ZFR: variants seen among roughly 807,000 people sequenced by gnomAD.
ZFR encodes zinc finger RNA-binding protein.
Under a neutral mutation model 130.7 loss-of-function variants are expected in ZFR, and 19 were observed. That is an observed-to-expected ratio of 0.15 (90% CI 0.10 to 0.21). The LOEUF (loss-of-function observed/expected upper bound fraction) is 0.21. Ranked by LOEUF, ZFR falls within the 10% of genes least tolerant of loss-of-function variation. The pLI, the probability that ZFR is intolerant of heterozygous loss-of-function variation, is 1.00. For missense variants in ZFR, 872 were observed against 1,321.5 expected (o/e 0.66, Z 5.27); for synonymous variants, 466 against 456.9 (o/e 1.02, Z -0.25).
intron 4 of ZFR, 91 bp downstream of exon 4, chr5:32,417,557 T>C: frequency 3.3e-6 from 5 of 1,526,138 alleles, no homozygotes; most frequent in Non-Finnish European, 4.5e-6. Flanking sequence ...GATATGAGTT[T>C]AGATGGACTC....
At chr5:32,425,319 T>G (rs1431242154) in intron 2 of ZFR, among the ~76,000 whole-genome samples, 2 of 152,230 alleles carry the variant, frequency 1.3e-5, no homozygotes, top group Admixed American at 1.3e-4. Context: ...GGTTGTTCTC[T>G]TTTTAATTAC....
chr5:32,433,537 G>A (rs1754266709), intron 2 of ZFR, among the ~76,000 whole-genome samples: 1 of 152,142 alleles, frequency 6.6e-6, no homozygotes, highest in African/African-American at 2.4e-5. Context: ...TGCACTTGCA[G>A]GGTCAAAATA....
chr5:32,416,289 C>T (rs892906848), intron 4 of ZFR, among the ~76,000 whole-genome samples: 6 of 152,164 alleles, frequency 3.9e-5, no homozygotes, highest in Admixed American at 2.0e-4. Flanking sequence ...AGGAAGTTTA[C>T]TATAAATTAT....
chr5:32,401,492 A>G (rs552546069), intron 8 of ZFR, among the ~76,000 whole-genome samples: 39 of 152,362 alleles, frequency 2.6e-4, no homozygotes, highest in African/African-American at 9.4e-4. Flanking sequence ...ACGTTTAAAA[A>G]GAAAAAAATA....
At chr5:32,361,987 G>A (rs1461776202) in intron 19 of ZFR, among the ~76,000 whole-genome samples, 1 of 152,090 alleles carries the variant, frequency 6.6e-6, no homozygotes, top group African/African-American at 2.4e-5. Flanking sequence ...TAGCATTTGA[G>A]GTTTGAGTGA....
At chr5:32,398,405 A>G (rs557126912) in intron 9 of ZFR, among the ~76,000 whole-genome samples, 3 of 152,346 alleles carry the variant, frequency 2.0e-5, no homozygotes, top group African/African-American at 7.2e-5. Flanking sequence ...ATAGGAGGAC[A>G]AGTAAACTTG....
chr5:32,410,060 T>C (rs909875573), intron 5 of ZFR, among the ~76,000 whole-genome samples: 1 of 152,262 alleles, frequency 6.6e-6, no homozygotes, highest in South Asian at 2.1e-4. Flanking sequence ...TAAAAAGTAC[T>C]TTTACTAGGT....
At chr5:32,431,498 T>A (rs1406421135) in intron 2 of ZFR, among the ~76,000 whole-genome samples, 1 of 152,200 alleles carries the variant, frequency 6.6e-6, no homozygotes, top group African/African-American at 2.4e-5. Flanking sequence ...AAAGAAAACA[T>A]AGACAGCTTC....
At position 32,444,323 on chromosome 5, in the gene ZFR, TG is replaced by T; in HGVS notation, c.42del (p.Ser15AlafsTer39). ...ICPVVSFTYV[P>X]SRLGEDAKMA... is the part of the protein sequence containing the mutation. ...ATTTTGGCATCTTCCCCCAGCCGGC[TG>T]GGCACTGCGGCGGGCACGAAGAGTC... On this transcript the variant is annotated frameshift_variant, in exon 2 of 20. Transcript: ENST00000265069. LOFTEE classifies it high-confidence loss of function. 6.5e-7 allele frequency: 1 copy of T among 1,538,620 alleles called. No individual in the cohort carries two copies. Among genetic ancestry groups the T allele is most frequent in the Admixed American group, 2.0e-5 (1 of 49,232 alleles).
At chr5:32,368,353 C>T (rs934491465) in intron 17 of ZFR, among the ~76,000 whole-genome samples, 1 of 152,132 alleles carries the variant, frequency 6.6e-6, no homozygotes, top group Non-Finnish European at 1.5e-5. Flanking sequence ...CTCTTGCCTC[C>T]GCCTCCCAAG....
At chr5:32,407,498 G>A (rs1272482718) in intron 5 of ZFR, among the ~76,000 whole-genome samples, 3 of 151,532 alleles carry the variant, frequency 2.0e-5, no homozygotes, top group Non-Finnish European at 2.9e-5. Context: ...AAAAGAAGAG[G>A]AAAACATACA....
chr5:32,405,377 A>G (rs536489834), intron 6 of ZFR, among the ~76,000 whole-genome samples: 55 of 152,252 alleles, frequency 3.6e-4, no homozygotes, highest in African/African-American at 1.2e-3. Flanking sequence ...CTCTAACTCA[A>G]TCTCAATGAT....
chr5:32,357,141 C>T (rs899589893), intron 19 of ZFR, among the ~76,000 whole-genome samples: 4 of 152,008 alleles, frequency 2.6e-5, no homozygotes, highest in South Asian at 4.2e-4. Flanking sequence ...CACCAACACA[C>T]CTGGCTCATT....
chr5:32,438,538 C>T (rs1017701018), intron 2 of ZFR, among the ~76,000 whole-genome samples: 2 of 152,128 alleles, frequency 1.3e-5, no homozygotes, highest in Non-Finnish European at 2.9e-5. Flanking sequence ...GCAGGGATTA[C>T]AGGCATGAGC....
At chr5:32,417,509 A>T in intron 4 of ZFR, 139 bp downstream of exon 4, 1 of 964,798 alleles carries the variant, frequency 1.0e-6, no homozygotes, top group Non-Finnish European at 1.5e-6. Flanking sequence ...CAAGGCATTT[A>T]GTAGGACAGG....
intron 2 of ZFR, among the ~76,000 whole-genome samples, chr5:32,431,314 T>C (rs969288112): frequency 1.3e-5 from 2 of 152,126 alleles, no homozygotes; most frequent in African/African-American, 4.8e-5. Context: ...GAACACAAAA[T>C]CAGGAGGACT....
At chr5:32,392,204 A>G (rs1753197136) in intron 11 of ZFR, among the ~76,000 whole-genome samples, 2 of 152,234 alleles carry the variant, frequency 1.3e-5, no homozygotes, top group South Asian at 4.1e-4. Flanking sequence ...TTTAAGTCAA[A>G]TAAGGGCAGG....
Position 32,367,932 on chromosome 5 carries a change from A to G in ZFR, c.2836-3657T>C, listed in dbSNP as rs116373898. Among the ~76,000 whole-genome samples the G allele has an allele frequency of 5.2e-3, 787 of 152,336 alleles. 3 individuals are homozygous for G. The highest frequency in any genetic ancestry group is 7.9e-3 in the Non-Finnish European group (537 of 68,016). ...TTGTCCAAGGTCATGTAGCTAGGTG[A>G]TAAAGCTGAGATTTGAACCCAGGTC... is the stretch of plus-strand genomic sequence containing the variant. On this transcript the variant is annotated intron_variant, in intron 17 of 19. Coordinates refer to ENST00000265069, the MANE Select transcript of ZFR (RefSeq NM_016107.5).
At chr5:32,359,887 T>C (rs935669176) in intron 19 of ZFR, among the ~76,000 whole-genome samples, 14 of 147,696 alleles carry the variant, frequency 9.5e-5, no homozygotes, top group African/African-American at 3.5e-4. Flanking sequence ...GAGGCGGAGG[T>C]GAGCTGAGAT....
Sources: gnomAD v4.1 joint callset for allele counts (sites outside exome capture counted in the v4.1 genomes callset) on GRCh38, gnomAD v4.1.1 for gene constraint, MANE v1.5 for transcripts, NCBI Gene and HGNC (gene_info 2026-07-23, HGNC 2026-07-21) for gene names.